The following COL28A1 variants were observed in gnomAD, a reference collection of about 807,000 sequenced individuals.
The protein encoded by COL28A1 is collagen type XXVIII alpha 1 chain.
COL28A1 carries 161 observed loss-of-function variants against 150.2 expected under a neutral mutation model. That is an observed-to-expected ratio of 1.07 (90% CI 0.94 to 1.22). The LOEUF is 1.22. Among genes scored for constraint, COL28A1 ranks in the 50% most tolerant of loss-of-function variants. The pLI is 0.00. For missense variants in COL28A1, 1,617 were observed against 1,388.3 expected (o/e 1.16, Z -2.62); for synonymous variants, 552 against 469.7 (o/e 1.18, Z -2.26).
chr7:7,483,011 A>G (rs909795895), intron 13 of COL28A1, among the ~76,000 whole-genome samples: 3 of 152,238 alleles, frequency 2.0e-5, no homozygotes, highest in African/African-American at 7.2e-5. Context: ...AGACAGAATT[A>G]TAACTGAGAG....
At chr7:7,517,081 T>A (rs1251405808) in intron 7 of COL28A1, among the ~76,000 whole-genome samples, 1 of 152,316 alleles carries the variant, frequency 6.6e-6, no homozygotes, top group South Asian at 2.1e-4. Context: ...ACCTAAGAAA[T>A]GTTTCCTGAA....
At chr7:7,343,811 T>A in the COL28A1 span, among the ~76,000 whole-genome samples, 1 of 151,990 alleles carries the variant, frequency 6.6e-6, no homozygotes, top group Non-Finnish European at 1.5e-5. Flanking sequence ...AGTTTGAGAC[T>A]AGCCTGAGCA....
At chr7:7,341,518 C>T in the COL28A1 span, among the ~76,000 whole-genome samples, 5 of 152,094 alleles carry the variant, frequency 3.3e-5, no homozygotes, top group African/African-American at 1.2e-4. Flanking sequence ...TCAAGTGATC[C>T]TCCCATCTTA....
At chr7:7,358,920 C>CT in intron 34 of COL28A1, 115 bp from the exon 35 acceptor site, 1 of 808,718 alleles carries the variant, frequency 1.2e-6, no homozygotes, top group Non-Finnish European at 1.8e-6. Flanking sequence ...ACTAACAAAC[C>CT]AAGAAAATAT....
chr7:7,520,600 G>A lies in COL28A1; in HGVS notation c.760-485C>T, dbSNP rs553858930. 6.8e-4 allele frequency among the ~76,000 whole-genome samples: 103 copies of A among 152,300 alleles called. 1 individual carries two copies. Among genetic ancestry groups the A allele is most frequent in the African/African-American group, 2.4e-3 (101 of 41,570 alleles). ...TCAAAAGATGGGAGAAAGGAGCTCT[G>A]TAATCCTGTTCCAGAAAAGCATTTT... On this transcript the variant is annotated intron_variant, in intron 5 of 34. Coordinates refer to ENST00000399429, the MANE Select transcript of COL28A1 (RefSeq NM_001037763.3).
At chr7:7,540,927 T>C in the COL28A1 span, among the ~76,000 whole-genome samples, 3 of 64,934 alleles carry the variant, frequency 4.6e-5, no homozygotes, top group African/African-American at 1.6e-4. Context: ...AATCAAAACA[T>C]AGCCAGTAAT....
At chr7:7,456,209 T>A (rs1379008024) in intron 15 of COL28A1, 97 bp from the exon 16 acceptor site, 1 of 1,405,580 alleles carries the variant, frequency 7.1e-7, no homozygotes. Context: ...AAATCTATCT[T>A]TATACTATAA....
intron 15 of COL28A1, among the ~76,000 whole-genome samples, chr7:7,474,299 G>A (rs922854215): frequency 6.6e-6 from 1 of 151,944 alleles, no homozygotes; most frequent in East Asian, 1.9e-4. Context: ...GCAAAAGGGT[G>A]GGAAGAGGGT....
intron 34 of COL28A1, among the ~76,000 whole-genome samples, chr7:7,359,407 T>A (rs1367782712): frequency 6.6e-6 from 1 of 152,196 alleles, no homozygotes; most frequent in Non-Finnish European, 1.5e-5. Context: ...TATTGTCTTA[T>A]CGTAGAAATA....
intron 30 of COL28A1, among the ~76,000 whole-genome samples, chr7:7,379,013 A>G (rs1781719676): frequency 6.6e-6 from 1 of 152,232 alleles, no homozygotes; most frequent in Admixed American, 6.5e-5. Flanking sequence ...CATCCAGGCC[A>G]GTGCTTCAGC....
At chr7:7,524,469 T>C (rs1242900314) in intron 3 of COL28A1, among the ~76,000 whole-genome samples, 1 of 152,220 alleles carries the variant, frequency 6.6e-6, no homozygotes, top group Non-Finnish European at 1.5e-5. Context: ...AAAATTAACC[T>C]ATATTTTCTA....
chr7:7,482,721 C>G (rs1779409577), intron 13 of COL28A1, among the ~76,000 whole-genome samples: 1 of 151,978 alleles, frequency 6.6e-6, no homozygotes, highest in African/African-American at 2.4e-5. Flanking sequence ...GTTAAAAACT[C>G]TCAACTACAA....
chr7:7,503,955 A>ATCC (rs1780669786), intron 11 of COL28A1, among the ~76,000 whole-genome samples: 1 of 152,186 alleles, frequency 6.6e-6, no homozygotes, highest in South Asian at 2.1e-4. Context: ...TGGCAATTTC[A>ATCC]TGTCATGTAT....
At chr7:7,436,587 G>T in intron 22 of COL28A1, 124 bp from the exon 23 acceptor site, 1 of 680,610 alleles carries the variant, frequency 1.5e-6, no homozygotes, top group Non-Finnish European at 2.6e-6. Context: ...CCTTGAGATA[G>T]TATATTCTTC....
intron 23 of COL28A1, among the ~76,000 whole-genome samples, chr7:7,433,087 G>C (rs569640678): frequency 1.3e-5 from 2 of 152,108 alleles, no homozygotes; most frequent in Admixed American, 6.5e-5. Context: ...GTTATGAAGG[G>C]ATAGAGTTTG....
intron 13 of COL28A1, among the ~76,000 whole-genome samples, chr7:7,487,554 G>T (rs1389677749): frequency 6.6e-6 from 1 of 152,038 alleles, no homozygotes; most frequent in Non-Finnish European, 1.5e-5. Context: ...CTCCAGCCTG[G>T]GCGACAGAGC....
Position 7,522,064 on chromosome 7 carries a change from A to C in COL28A1, c.703-103T>G, listed in dbSNP as rs146961428. 1,711 of 748,956 alleles carry C rather than the reference A, an allele frequency of 2.3e-3. 30 individuals carry two copies. In the East Asian group the frequency reaches 0.039, roughly 17 times the overall value. 46.4% of individuals were successfully genotyped at this position (748,956 alleles called of 1,614,324 possible). A position where few individuals can be genotyped will look rare whatever the true frequency, so the allele number is the denominator to read the frequency against. ...TACATTTCAAAGTGTATTTCAAATAAATTTCAAATAGCATTTCAAATTGTA... is the reference window on the plus strand; with the variant it reads ...TACATTTCAAAGTGTATTTCAAATACATTTCAAATAGCATTTCAAATTGTA... On this transcript the variant is annotated intron_variant, in intron 4 of 34. Coordinates refer to ENST00000399429, the MANE Select transcript of COL28A1 (RefSeq NM_001037763.3).
At chr7:7,460,202 T>C (rs1283978270) in intron 15 of COL28A1, among the ~76,000 whole-genome samples, 3 of 152,190 alleles carry the variant, frequency 2.0e-5, no homozygotes, top group Non-Finnish European at 2.9e-5. Flanking sequence ...TCTTCCTTCC[T>C]TCAGAGTCAA....
intron 33 of COL28A1, among the ~76,000 whole-genome samples, chr7:7,361,115 C>CTGTT (rs1554258542): frequency 6.6e-6 from 1 of 151,586 alleles, no homozygotes; most frequent in African/African-American, 2.4e-5. Context: ...CCTTTGCCTG[C>CTGTT]TCTATTATCA....
Sources: allele counts gnomAD v4.1 joint callset (sites outside exome capture counted in the v4.1 genomes callset), GRCh38; gene constraint gnomAD v4.1.1; transcripts MANE v1.5; gene names NCBI Gene and HGNC (gene_info 2026-07-23, HGNC 2026-07-21).